Variants in PKIA observed in about 807,000 individuals in gnomAD.
PKIA encodes the protein cAMP-dependent protein kinase inhibitor alpha, also known as PKI-alpha.
PKIA carries 4 observed loss-of-function variants against 7.6 expected under a neutral mutation model. The ratio of observed to expected loss-of-function variants is 0.52; its 90% CI spans 0.26 to 1.20. PKIA has a LOEUF of 1.20. Ranked by LOEUF, PKIA falls within the 50% of genes most tolerant of loss-of-function variation. PKIA has a pLI of 0.13. For synonymous variants in PKIA, 21 were observed against 30.7 expected, an observed-to-expected ratio of 0.68 and a Z score of 1.04; for missense variants, 73 against 86.2, an observed-to-expected ratio of 0.85 and a Z score of 0.61.
At chr8:78,585,802 ATG>A (rs1400363071) in intron 2 of PKIA, among the ~76,000 whole-genome samples, 1 of 152,186 alleles carries the variant, frequency 6.6e-6, no homozygotes, top group Non-Finnish European at 1.5e-5. Context: ...TGTGTATGAA[ATG>A]TGTGTTTTTA....
At chr8:78,559,130 C>G (rs547977308) in intron 1 of PKIA, among the ~76,000 whole-genome samples, 24 of 152,272 alleles carry the variant, frequency 1.6e-4, no homozygotes, top group Non-Finnish European at 2.9e-4. Context: ...CCATGTTGGC[C>G]AGGGTGGTCT....
chr8:78,543,883 A>G (rs1344528958), intron 1 of PKIA, among the ~76,000 whole-genome samples: 1 of 152,038 alleles, frequency 6.6e-6, no homozygotes, highest in Non-Finnish European at 1.5e-5. Flanking sequence ...AGGCATTTCT[A>G]CTGTTCCAAC....
chr8:78,555,247 A>T (rs566699513), intron 1 of PKIA, among the ~76,000 whole-genome samples: 1 of 151,880 alleles, frequency 6.6e-6, no homozygotes, highest in Non-Finnish European at 1.5e-5. Flanking sequence ...TACTCAATTC[A>T]CTCTGTTATC....
At chr8:78,599,631 T>C (rs979595572) in intron 3 of PKIA, among the ~76,000 whole-genome samples, 2 of 152,060 alleles carry the variant, frequency 1.3e-5, no homozygotes, top group Non-Finnish European at 2.9e-5. Context: ...TTAGGTTTCA[T>C]TGTTGTGCTG....
intron 1 of PKIA, among the ~76,000 whole-genome samples, chr8:78,567,480 G>C (rs1344280683): frequency 6.6e-6 from 1 of 152,062 alleles, no homozygotes; most frequent in African/African-American, 2.4e-5. Context: ...CTTTTCTCAA[G>C]ATTGGGAGTG....
chr8:78,561,460 TG>T (rs1807284795), intron 1 of PKIA, among the ~76,000 whole-genome samples: 1 of 151,986 alleles, frequency 6.6e-6, no homozygotes, highest in Admixed American at 6.6e-5. Flanking sequence ...CAAGTTTTTT[TG>T]TTTTTTTTTT....
rs1808426371 is a variant in PKIA at position 78,604,447 on chromosome 8, A to T, written c.*2626A>T. 1 of 152,028 alleles carries T rather than the reference A, an allele frequency of 6.6e-6. No individual in the cohort carries two copies. Among genetic ancestry groups the T allele is most frequent in the Non-Finnish European group, 1.5e-5 (1 of 67,952 alleles). 9.4% of individuals were successfully genotyped at this position (152,028 alleles called of 1,614,324 possible). On this transcript the variant is annotated 3_prime_UTR_variant, in exon 4 of 4. Coordinates refer to ENST00000396418, the MANE Select transcript of PKIA (RefSeq NM_006823.4). ...AATTAGAGCCAACTGCAGAGCTGTA[A>T]GGGAACTTTTAGAGATGAACTTCTT...
intron 2 of PKIA, among the ~76,000 whole-genome samples, chr8:78,578,870 C>A (rs1363931883): frequency 6.6e-6 from 1 of 152,048 alleles, no homozygotes; most frequent in African/African-American, 2.4e-5. Flanking sequence ...ATTCATACCT[C>A]TAGCCTTCAC....
chr8:78,542,811 T>A (rs1806729934), intron 1 of PKIA, among the ~76,000 whole-genome samples: 1 of 152,102 alleles, frequency 6.6e-6, no homozygotes, highest in Non-Finnish European at 1.5e-5. Context: ...TAGTTTAGAT[T>A]CTATTTTTTA....
intron 1 of PKIA, among the ~76,000 whole-genome samples, chr8:78,547,382 C>T (rs756640211): frequency 3.3e-5 from 5 of 152,072 alleles, no homozygotes; most frequent in Non-Finnish European, 5.9e-5. Flanking sequence ...GGATTACAGG[C>T]GTGAGCCACC....
intron 1 of PKIA, among the ~76,000 whole-genome samples, chr8:78,542,554 T>C (rs1806719475): frequency 6.6e-6 from 1 of 152,210 alleles, no homozygotes; most frequent in South Asian, 2.1e-4. Context: ...CAAATTAATA[T>C]ATTGTTAATA....
At chr8:78,549,821 A>G (rs1437886151) in intron 1 of PKIA, among the ~76,000 whole-genome samples, 1 of 151,980 alleles carries the variant, frequency 6.6e-6, no homozygotes, top group Non-Finnish European at 1.5e-5. Context: ...CATTTTGTGC[A>G]TAAGTGTAAA....
At chr8:78,595,252 G>A (rs993466867) in intron 2 of PKIA, among the ~76,000 whole-genome samples, 5 of 152,190 alleles carry the variant, frequency 3.3e-5, no homozygotes, top group Admixed American at 2.0e-4. Flanking sequence ...ACTGATTCAC[G>A]TAGGACTGGA....
At chr8:78,557,802 T>C (rs938008340) in intron 1 of PKIA, among the ~76,000 whole-genome samples, 25 of 152,192 alleles carry the variant, frequency 1.6e-4, no homozygotes, top group Admixed American at 1.5e-3. Flanking sequence ...GGCAGAGACA[T>C]AGTTTTGATC....
intron 1 of PKIA, among the ~76,000 whole-genome samples, chr8:78,524,849 A>G (rs969380833): frequency 1.3e-5 from 2 of 151,968 alleles, no homozygotes; most frequent in Admixed American, 6.6e-5. Context: ...CTGTAACTCA[A>G]ATGGCCAGTA....
intron 1 of PKIA, chr8:78,558,296 C>T (rs1366471507): frequency 6.6e-6 from 1 of 152,186 alleles, no homozygotes; most frequent in Non-Finnish European, 1.5e-5. Flanking sequence ...CAGTTTCAGG[C>T]TTGAACTCCA....
chr8:78,559,320 G>C (rs1807228598), intron 1 of PKIA, among the ~76,000 whole-genome samples: 1 of 152,160 alleles, frequency 6.6e-6, no homozygotes, highest in African/African-American at 2.4e-5. Flanking sequence ...CAATTAAGTG[G>C]AAAGGGGTTC....
intron 1 of PKIA, chr8:78,535,643 A>G (rs1299647544): frequency 6.6e-6 from 1 of 152,072 alleles, no homozygotes; most frequent in African/African-American, 2.4e-5. Flanking sequence ...GACTATAATC[A>G]CTGCTGCTCA....
intron 2 of PKIA, among the ~76,000 whole-genome samples, chr8:78,585,392 T>A (rs1300481553): frequency 6.6e-6 from 1 of 152,094 alleles, no homozygotes; most frequent in Non-Finnish European, 1.5e-5. Flanking sequence ...AACAAGTGTA[T>A]GGAAAATCTT....
Sources: gnomAD v4.1 joint callset for allele counts (sites outside exome capture counted in the v4.1 genomes callset) on GRCh38, gnomAD v4.1.1 for gene constraint, MANE v1.5 for transcripts, NCBI Gene and HGNC (gene_info 2026-07-23, HGNC 2026-07-21) for gene names.